Variants in PTPRD observed in about 807,000 individuals in gnomAD.
The protein encoded by PTPRD is receptor-type tyrosine-protein phosphatase delta.
A neutral mutation model predicts 214.5 loss-of-function variants in PTPRD; 34 were observed. The ratio of observed to expected loss-of-function variants is 0.16; its 90% confidence interval spans 0.12 to 0.21. PTPRD has a LOEUF of 0.21. Among genes scored for constraint, PTPRD ranks in the 10% least tolerant of loss-of-function variants. PTPRD has a pLI of 1.00. For missense variants in PTPRD, 2,545 were observed against 2,398.7 expected (o/e 1.06, Z -1.27); for synonymous variants, 1,128 against 845.7 (o/e 1.33, Z -5.79).
chr9:9,254,243 G>T (rs1017290444), intron 9 of PTPRD, among the ~76,000 whole-genome samples: 1 of 151,998 alleles, frequency 6.6e-6, no homozygotes, highest in Non-Finnish European at 1.5e-5. Context: ...CCTTTCATTA[G>T]GAATTCTATT....
At chr9:10,012,974 A>G (rs1326711697) in intron 4 of PTPRD, among the ~76,000 whole-genome samples, 2 of 152,004 alleles carry the variant, frequency 1.3e-5, no homozygotes, top group Non-Finnish European at 2.9e-5. Flanking sequence ...TAAATAAAAT[A>G]CTTCAATATT....
intron 3 of PTPRD, among the ~76,000 whole-genome samples, chr9:10,122,066 G>A (rs2098780085): frequency 1.3e-5 from 2 of 152,192 alleles, no homozygotes; most frequent in Non-Finnish European, 2.9e-5. Context: ...CCAGCATTGT[G>A]GGAGGTCAAG....
intron 4 of PTPRD, among the ~76,000 whole-genome samples, chr9:10,019,258 A>G (rs1236534263): frequency 1.3e-5 from 2 of 152,222 alleles, no homozygotes; most frequent in Admixed American, 6.5e-5. Flanking sequence ...AATGGCGATC[A>G]TTAAAAAGTC....
chr9:8,417,171 CTATAA>C (rs984232163), intron 35 of PTPRD, among the ~76,000 whole-genome samples: 1 of 152,070 alleles, frequency 6.6e-6, no homozygotes, highest in Admixed American at 6.6e-5. Context: ...CCACAGCTTT[CTATAA>C]TATATCGTTA....
chr9:9,573,872 T>C (rs1315987598), intron 8 of PTPRD, among the ~76,000 whole-genome samples: 2 of 151,834 alleles, frequency 1.3e-5, no homozygotes, highest in East Asian at 3.9e-4. Context: ...ACGATCATTT[T>C]AAAACATCTT....
rs189896497 is a variant in PTPRD, at chr9:8,779,221, G to C, written c.-103-45275C>G. On this transcript the variant is annotated intron_variant, in intron 11 of 45. Coordinates refer to ENST00000381196, the MANE Select transcript of PTPRD (RefSeq NM_002839.4). ...GAGCGAATAATATAAAGAACAACAA[G>C]AATCTGTTAAGCAAAATACAATAGG... is the stretch of plus-strand genomic sequence containing the variant. Among the ~76,000 whole-genome samples the C allele has an allele frequency of 2.4e-3, 362 of 152,216 alleles. 2 individuals carry two copies. The highest frequency in any genetic ancestry group is 7.9e-3 in the African/African-American group (330 of 41,558).
chr9:8,353,893 T>A (rs1486251331), intron 39 of PTPRD, among the ~76,000 whole-genome samples: 115 of 144,826 alleles, frequency 7.9e-4, no homozygotes, highest in African/African-American at 2.8e-3. Flanking sequence ...TGTATATATG[T>A]ATATATGTAT....
intron 2 of PTPRD, among the ~76,000 whole-genome samples, chr9:10,356,143 G>C (rs1424182977): frequency 1.4e-5 from 2 of 146,612 alleles, no homozygotes; most frequent in African/African-American, 5.1e-5. Flanking sequence ...TGTTTTGTTT[G>C]TATCAACCAA....
In PTPRD at chr9:10,589,049, T is replaced by C. The variant is rs917913413; in HGVS notation, c.-600+23349A>G. Among the ~76,000 whole-genome samples the C allele has an allele frequency of 3.9e-5, 6 of 152,180 alleles. No homozygotes were observed. The East Asian group carries it at 1.2e-3, about 29-fold the overall frequency. ...ATATTTGCTCATGACTTATCAGGGC[T>C]GGACCCAAATAATTGCATAGAGTTG... On this transcript the variant is annotated intron_variant, in intron 2 of 45. Coordinates refer to ENST00000381196, the MANE Select transcript of PTPRD (RefSeq NM_002839.4).
chr9:9,237,372 G>A (rs935550513), intron 9 of PTPRD, among the ~76,000 whole-genome samples: 1 of 152,100 alleles, frequency 6.6e-6, no homozygotes, highest in Non-Finnish European at 1.5e-5. Flanking sequence ...TAAGGCTGCA[G>A]TTAGCTATGA....
rs35030963 is a variant in PTPRD, at chr9:9,679,121, G to GAA, written c.-287+55410_-287+55411dup. Among the ~76,000 whole-genome samples, 724 of 141,412 alleles carry GAA rather than the reference G, an allele frequency of 5.1e-3. 2 individuals are homozygous for GAA. The highest frequency in any genetic ancestry group is 6.7e-3 in the Non-Finnish European group (433 of 65,018). The allele number at this position is 141,412 out of a possible 152,430, so 92.8% of individuals were successfully genotyped here. On this transcript the variant is annotated intron_variant, in intron 7 of 45. Transcript: ENST00000381196. Reference sequence around the variant, plus strand: ...TTTGGTAATTAGGTTGAAAAAGGGGGAAAAAAAAAAAAACCTAGAAGAAAA... The same window carrying GAA: ...TTTGGTAATTAGGTTGAAAAAGGGGGAAAAAAAAAAAAAAACCTAGAAGAAAA...
At chr9:9,597,577 G>A (rs370368009) in intron 7 of PTPRD, among the ~76,000 whole-genome samples, 1 of 151,950 alleles carries the variant, frequency 6.6e-6, no homozygotes, top group Non-Finnish European at 1.5e-5. Context: ...CTGCAAAAAC[G>A]AAAGCAGGAG....
intron 11 of PTPRD, among the ~76,000 whole-genome samples, chr9:8,854,366 C>T (rs2097874842): frequency 6.6e-6 from 1 of 152,156 alleles, no homozygotes; most frequent in African/African-American, 2.4e-5. Context: ...ATGAAGTCAT[C>T]TTTGAAATAT....
At chr9:9,247,136 T>C (rs1407364288) in intron 9 of PTPRD, among the ~76,000 whole-genome samples, 4 of 152,084 alleles carry the variant, frequency 2.6e-5, no homozygotes, top group African/African-American at 7.2e-5. Flanking sequence ...GAGCTGACCA[T>C]AAAGAAATTC....
chr9:8,913,337 G>C (rs765205579), intron 11 of PTPRD, among the ~76,000 whole-genome samples: 5 of 151,976 alleles, frequency 3.3e-5, no homozygotes, highest in Non-Finnish European at 7.4e-5. Flanking sequence ...TTTAGAATCC[G>C]CCTTTGTAAG....
At chr9:8,351,417 A>T (rs2075410910) in intron 39 of PTPRD, among the ~76,000 whole-genome samples, 1 of 151,118 alleles carries the variant, frequency 6.6e-6, no homozygotes, top group Non-Finnish European at 1.5e-5. Flanking sequence ...TTTTTTTTTT[A>T]ACAAGGATAA....
intron 11 of PTPRD, among the ~76,000 whole-genome samples, chr9:8,781,545 G>C (rs2095698357): frequency 6.6e-6 from 1 of 152,206 alleles, no homozygotes; most frequent in Middle Eastern, 3.4e-3. Flanking sequence ...CAGGAAAAAA[G>C]CATTATCCAA....
intron 4 of PTPRD, among the ~76,000 whole-genome samples, chr9:9,941,683 C>T (rs968783639): frequency 6.6e-6 from 1 of 152,142 alleles, no homozygotes; most frequent in African/African-American, 2.4e-5. Flanking sequence ...TAACTTCAAT[C>T]CTCTTTTCCC....
chr9:9,835,559 C>G (rs574639699), intron 5 of PTPRD, among the ~76,000 whole-genome samples: 1 of 152,190 alleles, frequency 6.6e-6, no homozygotes, highest in South Asian at 2.1e-4. Flanking sequence ...GGGTTTGAAA[C>G]AAATTCATGC....
Sources: allele counts gnomAD v4.1 joint callset (sites outside exome capture counted in the v4.1 genomes callset), GRCh38; gene constraint gnomAD v4.1.1; transcripts MANE v1.5; gene names NCBI Gene and HGNC (gene_info 2026-07-23, HGNC 2026-07-21).